MCTP1: variants seen among roughly 807,000 people sequenced by gnomAD.
The protein encoded by MCTP1 is multiple C2 and transmembrane domain containing 1.
MCTP1 carries 69 observed loss-of-function variants against 120.6 expected under a neutral mutation model. That is an observed-to-expected ratio of 0.57 (90% CI 0.47 to 0.70). The LOEUF (loss-of-function observed/expected upper bound fraction) is 0.70, where lower values mean the gene tolerates loss of function less well. MCTP1 is among the 30% of genes least tolerant of loss of function. The pLI is 0.00. For synonymous variants in MCTP1, 529 were observed against 493.1 expected, an observed-to-expected ratio of 1.07 and a Z score of -0.96; for missense variants, 1,203 against 1,248.8, an observed-to-expected ratio of 0.96 and a Z score of 0.55.
intron 1 of MCTP1, among the ~76,000 whole-genome samples, chr5:95,030,899 T>A (rs145133174): frequency 2.8e-4 from 42 of 151,602 alleles, no homozygotes; most frequent in Middle Eastern, 3.4e-3. Flanking sequence ...AGAAAGCAGA[T>A]ATCCAACACA....
intron 20 of MCTP1, among the ~76,000 whole-genome samples, chr5:94,711,186 T>G (rs575560120): frequency 3.9e-5 from 6 of 152,248 alleles, no homozygotes; most frequent in African/African-American, 1.4e-4. Context: ...ATTGTGCTAC[T>G]TGGGTGACTC....
chr5:95,140,292 G>A (rs571557799), intron 1 of MCTP1, among the ~76,000 whole-genome samples: 3 of 152,196 alleles, frequency 2.0e-5, no homozygotes, highest in East Asian at 3.9e-4. Flanking sequence ...TCTGCAACCC[G>A]GGACTTTGCA....
At chr5:95,101,300 T>C (rs749433070) in intron 1 of MCTP1, among the ~76,000 whole-genome samples, 1 of 152,196 alleles carries the variant, frequency 6.6e-6, no homozygotes, top group Non-Finnish European at 1.5e-5. Flanking sequence ...AATTTGTACA[T>C]CCTGAAACAA....
chr5:94,728,579 T>C (rs919287309), intron 19 of MCTP1, among the ~76,000 whole-genome samples: 4 of 152,174 alleles, frequency 2.6e-5, no homozygotes, highest in African/African-American at 9.7e-5. Context: ...GATACTTGGT[T>C]TTCTCTTCAG....
intron 1 of MCTP1, among the ~76,000 whole-genome samples, chr5:95,050,785 T>C (rs1037820999): frequency 6.6e-6 from 1 of 152,194 alleles, no homozygotes; most frequent in Non-Finnish European, 1.5e-5. Context: ...TACTGTAGCA[T>C]GTGATGTTTT....
At chr5:94,844,120 T>C (rs1444634080) in intron 17 of MCTP1, among the ~76,000 whole-genome samples, 1 of 151,874 alleles carries the variant, frequency 6.6e-6, no homozygotes, top group Non-Finnish European at 1.5e-5. Flanking sequence ...CTGACTAACA[T>C]GGTGAAACCC....
Position 94,912,862 on chromosome 5 carries a change from C to T in MCTP1, c.1465G>A (p.Gly489Arg), listed in dbSNP as rs756317098. 3.1e-6 allele frequency: 5 copies of T among 1,593,430 alleles called. No individual in the cohort carries two copies. Among genetic ancestry groups the T allele is most frequent in the Admixed American group, 1.8e-5 (1 of 56,986 alleles). ...GRDLKAMDSN[G>R]LSDPYVKFRL... The stretch of plus-strand genomic sequence containing the variant: ...AACTTCACGTAGGGATCGCTCAACC[C>T]GTTGGAATCCATGGCCTTGAGGTCT... Residue 489 changes from glycine to arginine, a missense_variant, in exon 9 of 23, where the codon GGG (glycine) becomes AGG (arginine). Coordinates refer to ENST00000515393, the MANE Select transcript of MCTP1 (RefSeq NM_024717.7).
At chr5:95,214,579 G>A (rs251095) in intron 1 of MCTP1, among the ~76,000 whole-genome samples, 15 of 152,074 alleles carry the variant, frequency 9.9e-5, no homozygotes, top group South Asian at 4.1e-4. Flanking sequence ...TGTTTATTGC[G>A]GCACTATTCA....
In MCTP1 at chr5:95,284,577, C is replaced by T; in HGVS notation, c.-2G>A. 7.0e-7 allele frequency: 1 copy of T among 1,424,220 alleles called. No homozygotes were observed. Among genetic ancestry groups the T allele is most frequent in the East Asian group, 2.9e-5 (1 of 34,884 alleles). The allele number at this position is 1,424,220 out of a possible 1,614,324, so 88.2% of individuals were successfully genotyped here. A position where few individuals can be genotyped will look rare whatever the true frequency, so the allele number is the denominator to read the frequency against. On this transcript the variant is annotated 5_prime_UTR_variant, in exon 1 of 23. Coordinates refer to ENST00000515393, the MANE Select transcript of MCTP1 (RefSeq NM_024717.7). This position sits in a 1 kb window ranked among gnomAD's most constrained non-coding sequence, Gnocchi z 5.2. ...CGCCGCGGCAGCCCGGGGCTCCATCCTCCACCCCCTGCTCCTCCTCTCCCC... is the reference window on the plus strand; with the variant it reads ...CGCCGCGGCAGCCCGGGGCTCCATCTTCCACCCCCTGCTCCTCCTCTCCCC...
intron 1 of MCTP1, among the ~76,000 whole-genome samples, chr5:95,186,010 AC>A (rs1467377441): frequency 6.6e-6 from 1 of 151,548 alleles, no homozygotes; most frequent in African/African-American, 2.4e-5. Flanking sequence ...AAACAAACAA[AC>A]AAAAAACCCT....
At chr5:94,742,709 G>C (rs903963498) in intron 19 of MCTP1, among the ~76,000 whole-genome samples, 28 of 151,756 alleles carry the variant, frequency 1.8e-4, no homozygotes, top group African/African-American at 6.8e-4. Flanking sequence ...TAACTGAAAA[G>C]AAATACAAAG....
At chr5:95,072,871 G>A (rs1039998911) in intron 1 of MCTP1, among the ~76,000 whole-genome samples, 2 of 146,430 alleles carry the variant, frequency 1.4e-5, no homozygotes, top group Non-Finnish European at 3.0e-5. Flanking sequence ...TCAGCCTCCC[G>A]ATTAGCTGGG....
chr5:94,771,899 T>C (rs1047147110), intron 19 of MCTP1, among the ~76,000 whole-genome samples: 1 of 152,188 alleles, frequency 6.6e-6, no homozygotes, highest in Non-Finnish European at 1.5e-5. Flanking sequence ...AATGAAGGTG[T>C]AGGCAGGGCT....
chr5:94,972,608 T>C (rs1355774222), intron 2 of MCTP1, among the ~76,000 whole-genome samples: 1 of 152,168 alleles, frequency 6.6e-6, no homozygotes, highest in Non-Finnish European at 1.5e-5. Flanking sequence ...TCATCAGCTC[T>C]AGATCTTTCT....
rs1256568946 is a variant in MCTP1, at chr5:94,870,951, G to T, written c.2162C>A (p.Ala721Asp). ...LLSIQNGEQKAYVLKNKQLTG... is the reference protein window; with the variant it reads ...LLSIQNGEQKDYVLKNKQLTG... ...CAGCTGCTTGTTTTTCAAGACGTAGGCTTTCTGTTCACCATTTTGAATCTG... is the reference window on the plus strand; with the variant it reads ...CAGCTGCTTGTTTTTCAAGACGTAGTCTTTCTGTTCACCATTTTGAATCTG... Residue 721 changes from alanine to aspartate, a missense_variant, in exon 15 of 23, where the codon GCC becomes GAC. Transcript: ENST00000515393. 1.9e-6 allele frequency: 3 copies of T among 1,612,828 alleles called. No individual in the cohort carries two copies. In the African/African-American group the frequency reaches 4.0e-5, roughly 22 times the overall value.
At chr5:94,740,835 C>G (rs1288600452) in intron 19 of MCTP1, among the ~76,000 whole-genome samples, 1 of 152,142 alleles carries the variant, frequency 6.6e-6, no homozygotes, top group Non-Finnish European at 1.5e-5. Context: ...AATCCTGACT[C>G]TATTAACTTT....
At chr5:94,737,192 T>C (rs902859832) in intron 19 of MCTP1, among the ~76,000 whole-genome samples, 2 of 152,078 alleles carry the variant, frequency 1.3e-5, no homozygotes, top group Admixed American at 6.6e-5. Flanking sequence ...TCTCACTATG[T>C]TTTCCAGGCT....
chr5:94,929,825 T>C (rs1561875330), intron 6 of MCTP1: 1 of 232,234 alleles, frequency 4.3e-6, no homozygotes, highest in Non-Finnish European at 7.1e-6. Context: ...CAGTAAAAAA[T>C]CTGAATGAAT....
chr5:94,841,200 A>C (rs914400496), intron 17 of MCTP1, among the ~76,000 whole-genome samples: 1 of 152,184 alleles, frequency 6.6e-6, no homozygotes, highest in Admixed American at 6.5e-5. Flanking sequence ...ATAGAAAGGC[A>C]TATCCCCAGG....
Sources: allele counts gnomAD v4.1 joint callset (sites outside exome capture counted in the v4.1 genomes callset), GRCh38; gene constraint gnomAD v4.1.1; non-coding constraint Gnocchi (gnomAD v3.1); transcripts MANE v1.5; gene names NCBI Gene and HGNC (gene_info 2026-07-23, HGNC 2026-07-21).